ITPR2: variants seen among roughly 807,000 people sequenced by gnomAD.
ITPR2 encodes the protein inositol 1,4,5-trisphosphate receptor type 2.
In ITPR2, 207 loss-of-function variants were observed where a neutral mutation model predicts 317.1. That is an observed-to-expected ratio of 0.65 (90% CI 0.58 to 0.73). ITPR2 has a LOEUF of 0.73. Ranked by LOEUF, ITPR2 falls within the 30% of genes least tolerant of loss-of-function variation. The pLI is 0.00. For missense variants in ITPR2, 2,613 were observed against 3,284.0 expected (o/e 0.80, Z 4.99); for synonymous variants, 1,156 against 1,149.1 (o/e 1.01, Z -0.12).
chr12:26,659,061 C>A, intron 16 of ITPR2, 52 bp downstream of exon 16: 1 of 1,445,060 alleles, frequency 6.9e-7, no homozygotes, highest in Non-Finnish European at 9.5e-7. Flanking sequence ...AAAAATAAAA[C>A]ATAAAGCCGC....
intron 1 of ITPR2, among the ~76,000 whole-genome samples, chr12:26,819,810 T>A (rs551126248): frequency 4.0e-5 from 6 of 151,684 alleles, no homozygotes; most frequent in African/African-American, 1.2e-4. Context: ...CTCACGCCTG[T>A]AATCCCAGCA....
chr12:26,697,108 C>T (rs2136993439), intron 9 of ITPR2, among the ~76,000 whole-genome samples: 2 of 152,278 alleles, frequency 1.3e-5, no homozygotes, highest in Middle Eastern at 6.8e-3. Context: ...TGTGTAGAGT[C>T]CATAGAATCC....
intron 10 of ITPR2, among the ~76,000 whole-genome samples, chr12:26,687,510 C>T (rs760937732): frequency 6.6e-6 from 1 of 152,134 alleles, no homozygotes; most frequent in African/African-American, 2.4e-5. Context: ...GCTCAAAAGG[C>T]AAATGCAAGC....
chr12:26,398,377 C>T (rs149958324), intron 54 of ITPR2, among the ~76,000 whole-genome samples: 2 of 152,188 alleles, frequency 1.3e-5, no homozygotes, highest in East Asian at 1.9e-4. Context: ...GAGCTGAGAT[C>T]GTGCCACTGC....
rs1257377996 is a variant in ITPR2 at position 26,522,863 on chromosome 12, C to T, written c.5073+27384G>A. On this transcript the variant is annotated intron_variant, in intron 37 of 56. Coordinates refer to ENST00000381340, the MANE Select transcript of ITPR2 (RefSeq NM_002223.4). The stretch of plus-strand genomic sequence containing the variant: ...CGGCGGGGGGGGAACCCCACAACAA[C>T]ACCGGTTTTGCTACAGTTCAAGACT... 3.9e-5 allele frequency among the ~76,000 whole-genome samples: 6 copies of T among 152,176 alleles called. 1 individual carries two copies. The highest frequency in any genetic ancestry group is 3.9e-4 in the Admixed American group (6 of 15,276).
At chr12:26,818,015 G>A (rs1459304497) in intron 1 of ITPR2, among the ~76,000 whole-genome samples, 1 of 152,108 alleles carries the variant, frequency 6.6e-6, no homozygotes, top group Non-Finnish European at 1.5e-5. Flanking sequence ...TGGAAGAAGG[G>A]AAAAATGAAT....
chr12:26,595,768 G>A (rs1230140178), intron 31 of ITPR2, among the ~76,000 whole-genome samples, 178 bp from the exon 32 acceptor site: 1 of 152,132 alleles, frequency 6.6e-6, no homozygotes. Context: ...TGACCTAAGG[G>A]TGAAAACACG....
chr12:26,346,360 T>C (rs1938308646), intron 55 of ITPR2, among the ~76,000 whole-genome samples: 1 of 152,216 alleles, frequency 6.6e-6, no homozygotes, highest in Non-Finnish European at 1.5e-5. Flanking sequence ...CGGTGGCTCA[T>C]GCCTATAATC....
Position 26,462,154 on chromosome 12 carries a change from C to CTTTTG in ITPR2, c.6342+13137_6342+13141dup, listed in dbSNP as rs71069237. On this transcript the variant is annotated intron_variant, in intron 45 of 56. Coordinates refer to ENST00000381340, the MANE Select transcript of ITPR2 (RefSeq NM_002223.4). ...TCCATGGGCTACTACACAAGGAAAA[C>CTTTTG]TTTTGTTTTGTTTTGTTTTGTTTTG... Among the ~76,000 whole-genome samples the CTTTTG allele has an allele frequency of 1.1e-3, 164 of 149,692 alleles. 1 individual carries two copies. The highest frequency in any genetic ancestry group is 6.7e-3 in the East Asian group (34 of 5,088).
intron 26 of ITPR2, among the ~76,000 whole-genome samples, chr12:26,615,799 C>T (rs967389808): frequency 5.9e-5 from 9 of 152,104 alleles, no homozygotes; most frequent in Non-Finnish European, 5.9e-5. Context: ...AATTGATAAA[C>T]ATACCATTGT....
intron 3 of ITPR2, 82 bp from the exon 4 acceptor site, chr12:26,724,824 C>T (rs1260608942): frequency 2.4e-6 from 2 of 834,106 alleles, no homozygotes; most frequent in African/African-American, 1.7e-5. Flanking sequence ...TTTTTAGGAA[C>T]AAGACTATAG....
intron 13 of ITPR2, among the ~76,000 whole-genome samples, chr12:26,677,228 A>G (rs1947927963): frequency 6.6e-6 from 1 of 152,212 alleles, no homozygotes; most frequent in Non-Finnish European, 1.5e-5. Context: ...AAAACAAGCT[A>G]CACTAAAGAA....
chr12:26,434,638 C>T (rs572482247), intron 48 of ITPR2, among the ~76,000 whole-genome samples: 27 of 152,206 alleles, frequency 1.8e-4, no homozygotes, highest in Non-Finnish European at 2.9e-4. Flanking sequence ...TTCCAATCCA[C>T]GGAGAAGGGT....
chr12:26,674,419 A>G (rs1485914055), intron 13 of ITPR2, among the ~76,000 whole-genome samples: 1 of 152,224 alleles, frequency 6.6e-6, no homozygotes, highest in Non-Finnish European at 1.5e-5. Flanking sequence ...GATCTTTGAC[A>G]AACCTGAGAG....
At chr12:26,562,082 A>G (rs1327135632) in intron 34 of ITPR2, 130 bp from the exon 35 acceptor site, 17 of 622,672 alleles carry the variant, frequency 2.7e-5, no homozygotes, top group Non-Finnish European at 2.0e-5. Context: ...CTTGTTTTAT[A>G]TAACTGTAAA....
intron 34 of ITPR2, among the ~76,000 whole-genome samples, chr12:26,567,994 ATATT>A (rs1347110179): frequency 1.9e-4 from 1 of 5,368 alleles, no homozygotes; most frequent in East Asian, 8.0e-4. Context: ...ATATATATAT[ATATT>A]ATATATATTA....
intron 1 of ITPR2, among the ~76,000 whole-genome samples, chr12:26,828,611 A>T (rs1384856435): frequency 6.6e-6 from 1 of 152,212 alleles, no homozygotes; most frequent in African/African-American, 2.4e-5. Context: ...GCCTTAATTA[A>T]GCCATTATGA....
At chr12:26,716,006 C>T (rs544317163) in intron 6 of ITPR2, 138 bp downstream of exon 6, 1 of 705,628 alleles carries the variant, frequency 1.4e-6, no homozygotes, top group African/African-American at 1.8e-5. Flanking sequence ...CTAATCACAG[C>T]TATATGTACC....
At chr12:26,718,412 C>T (rs2137036590) in intron 5 of ITPR2, among the ~76,000 whole-genome samples, 1 of 152,152 alleles carries the variant, frequency 6.6e-6, no homozygotes, top group South Asian at 2.1e-4. Flanking sequence ...GTTGCACCTA[C>T]ATTCGCTGCT....
Sources: gnomAD v4.1 joint callset for allele counts (sites outside exome capture counted in the v4.1 genomes callset) on GRCh38, gnomAD v4.1.1 for gene constraint, MANE v1.5 for transcripts, NCBI Gene and HGNC (gene_info 2026-07-23, HGNC 2026-07-21) for gene names.